The following ZNF385B variants were observed in gnomAD, a reference collection of about 807,000 sequenced individuals.
The protein encoded by ZNF385B is zinc finger protein 385B, also known as zinc finger protein 533.
In ZNF385B, 23 loss-of-function variants were observed where a neutral mutation model predicts 39.2. The observed-to-expected ratio is 0.59, with a 90% CI of 0.42 to 0.83. The LOEUF (loss-of-function observed/expected upper bound fraction) is 0.83. Among genes scored for constraint, ZNF385B ranks in the 40% least tolerant of loss-of-function variants. The pLI, the probability that ZNF385B is intolerant of heterozygous loss-of-function variation, is 0.00. For missense variants in ZNF385B, 552 were observed against 598.9 expected (o/e 0.92, Z 0.82); for synonymous variants, 205 against 222.6 (o/e 0.92, Z 0.70).
chr2:179,829,573 G>A (rs2106594288), intron 1 of ZNF385B, among the ~76,000 whole-genome samples: 2 of 152,166 alleles, frequency 1.3e-5, no homozygotes, highest in Non-Finnish European at 2.9e-5. Context: ...GAGTGCAGTG[G>A]TGCTATCTCG....
At chr2:179,476,082 C>T (rs1326902491) in intron 6 of ZNF385B, among the ~76,000 whole-genome samples, 3 of 150,696 alleles carry the variant, frequency 2.0e-5, no homozygotes, top group Admixed American at 1.3e-4. Flanking sequence ...ACATGTGCCT[C>T]GCACACAGAA....
chr2:179,458,903 A>G (rs1411250076), intron 6 of ZNF385B, among the ~76,000 whole-genome samples: 4 of 152,198 alleles, frequency 2.6e-5, no homozygotes, highest in Non-Finnish European at 5.9e-5. Context: ...GGTACCTCCC[A>G]TCAATACATG....
intron 3 of ZNF385B, among the ~76,000 whole-genome samples, chr2:179,692,322 C>T (rs1698418159): frequency 6.6e-6 from 1 of 152,126 alleles, no homozygotes; most frequent in Admixed American, 6.6e-5. Flanking sequence ...CCTCAAGAGA[C>T]ATTTAAGGTC....
intron 4 of ZNF385B, among the ~76,000 whole-genome samples, chr2:179,528,069 C>T (rs1559411135): frequency 6.6e-6 from 1 of 151,768 alleles, no homozygotes; most frequent in East Asian, 1.9e-4. Context: ...ACCAAATATG[C>T]AAAAAAACAA....
At chr2:179,458,388 T>C (rs1266499117) in intron 6 of ZNF385B, among the ~76,000 whole-genome samples, 2 of 152,250 alleles carry the variant, frequency 1.3e-5, no homozygotes, top group Non-Finnish European at 2.9e-5. Flanking sequence ...GTGAGTCCTC[T>C]CCAGCCATGT....
At chr2:179,707,650 G>A (rs554837600) in intron 3 of ZNF385B, among the ~76,000 whole-genome samples, 1 of 152,350 alleles carries the variant, frequency 6.6e-6, no homozygotes, top group African/African-American at 2.4e-5. Flanking sequence ...AGGACAGCCA[G>A]TGTCTTGGGC....
chr2:179,545,613 T>C (rs1012679609), intron 3 of ZNF385B, among the ~76,000 whole-genome samples: 3 of 152,132 alleles, frequency 2.0e-5, no homozygotes, highest in African/African-American at 7.2e-5. Context: ...GGGGGACAGG[T>C]AGTAGTTAGG....
intron 3 of ZNF385B, among the ~76,000 whole-genome samples, chr2:179,549,632 T>C (rs1352376051): frequency 6.7e-6 from 1 of 149,774 alleles, no homozygotes; most frequent in African/African-American, 2.5e-5. Flanking sequence ...AATGATCCTT[T>C]TTGGTAATGA....
chr2:179,674,793 A>G (rs941855185), intron 3 of ZNF385B, among the ~76,000 whole-genome samples: 8 of 152,230 alleles, frequency 5.3e-5, no homozygotes, highest in African/African-American at 1.9e-4. Context: ...TGGGTGGTCT[A>G]GTCCCAGAGA....
Position 179,673,615 on chromosome 2 carries a change from C to T in ZNF385B, c.298+95888G>A, listed in dbSNP as rs6737457. On this transcript the variant is annotated intron_variant, in intron 3 of 9. Coordinates refer to ENST00000410066, the MANE Select transcript of ZNF385B (RefSeq NM_152520.6). The stretch of plus-strand genomic sequence containing the variant: ...TTTCTCTCAGGCCTACCTGTTGCCC[C>T]CCTTCCTTCTGCCTCCTTCACTTGA... 6.0e-3 allele frequency among the ~76,000 whole-genome samples: 914 copies of T among 152,180 alleles called. 10 individuals are homozygous for T. Among genetic ancestry groups the T allele is most frequent in the African/African-American group, 0.02 (813 of 41,528 alleles).
intron 6 of ZNF385B, among the ~76,000 whole-genome samples, chr2:179,449,246 C>G (rs1019476701): frequency 1.3e-5 from 2 of 152,024 alleles, no homozygotes; most frequent in African/African-American, 4.8e-5. Flanking sequence ...ATGATTACTT[C>G]CGCTTGGGAA....
intron 6 of ZNF385B, among the ~76,000 whole-genome samples, chr2:179,461,428 T>C (rs1007401456): frequency 1.3e-5 from 2 of 152,218 alleles, no homozygotes; most frequent in African/African-American, 4.8e-5. Context: ...TATATTTGTA[T>C]GTAGAACCAA....
chr2:179,774,194 G>A (rs1159967581), intron 1 of ZNF385B, among the ~76,000 whole-genome samples: 1 of 151,864 alleles, frequency 6.6e-6, no homozygotes, highest in Non-Finnish European at 1.5e-5. Context: ...TATGTAGTGT[G>A]TGTGTGGTCT....
intron 4 of ZNF385B, among the ~76,000 whole-genome samples, chr2:179,543,785 C>G (rs373448381): frequency 6.6e-5 from 10 of 152,118 alleles, no homozygotes; most frequent in Non-Finnish European, 1.3e-4. Flanking sequence ...TGCCCTACCC[C>G]CTAATTACCT....
intron 1 of ZNF385B, among the ~76,000 whole-genome samples, chr2:179,781,816 A>T (rs1226997357): frequency 1.3e-5 from 2 of 152,172 alleles, no homozygotes; most frequent in Non-Finnish European, 2.9e-5. Context: ...AAACTCTGAA[A>T]TTGAATCAGT....
At chr2:179,852,554 G>A (rs1329149943) in intron 1 of ZNF385B, among the ~76,000 whole-genome samples, 4 of 152,036 alleles carry the variant, frequency 2.6e-5, no homozygotes, top group Non-Finnish European at 4.4e-5. Context: ...TAGATACTGC[G>A]GCAGGCGTCC....
At chr2:179,657,159 C>CA (rs1483008397) in intron 3 of ZNF385B, among the ~76,000 whole-genome samples, 4 of 152,106 alleles carry the variant, frequency 2.6e-5, no homozygotes, top group Non-Finnish European at 5.9e-5. Context: ...AACTGTACTT[C>CA]AGTCCAGTCC....
intron 3 of ZNF385B, among the ~76,000 whole-genome samples, chr2:179,693,396 C>G (rs1698498478): frequency 1.3e-5 from 2 of 152,138 alleles, no homozygotes; most frequent in Non-Finnish European, 2.9e-5. Flanking sequence ...ACACTATTCT[C>G]TAAATATATG....
At chr2:179,721,217 GT>G (rs1276169302) in intron 3 of ZNF385B, among the ~76,000 whole-genome samples, 1 of 151,996 alleles carries the variant, frequency 6.6e-6, no homozygotes, top group Non-Finnish European at 1.5e-5. Context: ...ACATAGAGAT[GT>G]TTCAAAATTT....
Sources: gnomAD v4.1 joint callset for allele counts (sites outside exome capture counted in the v4.1 genomes callset) on GRCh38, gnomAD v4.1.1 for gene constraint, MANE v1.5 for transcripts, NCBI Gene and HGNC (gene_info 2026-07-23, HGNC 2026-07-21) for gene names.